The following TOPAZ1 variants were observed in gnomAD, a reference collection of about 807,000 sequenced individuals.
TOPAZ1 encodes protein TOPAZ1.
A neutral mutation model predicts 172.2 loss-of-function variants in TOPAZ1; 66 were observed. The observed-to-expected ratio is 0.38, with a 90% CI of 0.31 to 0.47. The LOEUF is 0.47. Ranked by LOEUF, TOPAZ1 falls within the 20% of genes least tolerant of loss-of-function variation. TOPAZ1 has a pLI of 0.99. For synonymous variants in TOPAZ1, 681 were observed against 683.9 expected, an observed-to-expected ratio of 1.00 and a Z score of 0.07; for missense variants, 1,822 against 1,972.4, an observed-to-expected ratio of 0.92 and a Z score of 1.44.
At chr3:44,327,886 A>C (rs778525069) in intron 18 of TOPAZ1, among the ~76,000 whole-genome samples, 1 of 152,100 alleles carries the variant, frequency 6.6e-6, no homozygotes, top group Non-Finnish European at 1.5e-5. Flanking sequence ...CTGGGACGAC[A>C]GGCACCCGCC....
At position 44,278,541 on chromosome 3, in the gene TOPAZ1, T is replaced by G. The variant is rs548796356; in HGVS notation, c.3373-3427T>G. On this transcript the variant is annotated intron_variant, in intron 8 of 19. Coordinates refer to ENST00000309765, the MANE Select transcript of TOPAZ1 (RefSeq NM_001145030.2). The stretch of plus-strand genomic sequence containing the variant: ...TACTTGTTTTTGGTCTGTTCAAGTT[T>G]TCTGTTTCTTCCTAATTCAATCTCA... Among the ~76,000 whole-genome samples, 14 of 152,318 alleles carry G rather than the reference T, an allele frequency of 9.2e-5. No homozygotes were observed. The South Asian group carries it at 2.9e-3, about 32-fold the overall frequency.
chr3:44,335,609 G>A (rs776225077), downstream of TOPAZ1, among the ~76,000 whole-genome samples: 9 of 152,124 alleles, frequency 5.9e-5, no homozygotes, highest in Admixed American at 2.6e-4. Context: ...GAACAATAGA[G>A]TGAGACTCCA....
chr3:44,270,900 G>A (rs958626219), intron 8 of TOPAZ1, 90 bp downstream of exon 8: 7 of 1,199,948 alleles, frequency 5.8e-6, no homozygotes, highest in Admixed American at 3.2e-5. Flanking sequence ...ACTCCTAATA[G>A]CATAGATGTG....
At position 44,269,206 on chromosome 3, in the gene TOPAZ1, T is replaced by C; in HGVS notation, c.3161-10T>C. ...TATTGGTGTGTAATGCCACTCTAAA[T>C]CATTTCTAGATTTCAGATTTCTGGG... On this transcript the variant is annotated splice_polypyrimidine_tract_variant and intron_variant, in intron 6 of 19. Transcript: ENST00000309765. 2 of 1,500,630 alleles carry C rather than the reference T, an allele frequency of 1.3e-6. No individual in the cohort carries two copies. Among genetic ancestry groups the C allele is most frequent in the Non-Finnish European group, 1.8e-6 (2 of 1,100,822 alleles). 93.0% of individuals were successfully genotyped at this position (1,500,630 alleles called of 1,614,324 possible). A position where few individuals can be genotyped will look rare whatever the true frequency, so the allele number is the denominator to read the frequency against.
At chr3:44,332,133 T>C, downstream of TOPAZ1, 2 of 661,620 alleles carry the variant, frequency 3.0e-6, no homozygotes, top group Non-Finnish European at 5.0e-6. Context: ...TACAGCAAGT[T>C]AATAGTTTTA....
intron 12 of TOPAZ1, among the ~76,000 whole-genome samples, chr3:44,292,050 T>A (rs1700143833): frequency 6.6e-6 from 1 of 152,192 alleles, no homozygotes; most frequent in Non-Finnish European, 1.5e-5. Context: ...TTAACAAGCT[T>A]AAACTAACCT....
chr3:44,310,891 G>A (rs904286192), intron 16 of TOPAZ1, among the ~76,000 whole-genome samples: 3 of 152,170 alleles, frequency 2.0e-5, no homozygotes, highest in African/African-American at 7.2e-5. Context: ...AAGCCAGCAG[G>A]AACAAATAAG....
chr3:44,255,672 C>T (rs113028154), intron 3 of TOPAZ1, among the ~76,000 whole-genome samples: 25,864 of 55,122 alleles, frequency 0.47, 3,895 homozygotes, highest in Middle Eastern at 0.63. Flanking sequence ...AATATATATA[C>T]ACACACACAC....
At chr3:44,247,702 G>A (rs1468125544) in intron 2 of TOPAZ1, among the ~76,000 whole-genome samples, 1 of 152,176 alleles carries the variant, frequency 6.6e-6, no homozygotes, top group Non-Finnish European at 1.5e-5. Flanking sequence ...CCAGGCTGGA[G>A]TGCAGTGGCG....
At position 44,245,016 on chromosome 3, in the gene TOPAZ1, G is replaced by A. The variant is rs1388365201; in HGVS notation, c.2510G>A (p.Arg837Lys). 1.1e-5 allele frequency: 17 copies of A among 1,551,568 alleles called. No individual in the cohort carries two copies. The highest frequency in any genetic ancestry group is 1.1e-5 in the Non-Finnish European group (13 of 1,147,000). ...TTCCGACCAGTGTCCAGTGAAGTTA[G>A]GGGTAGAAAAATAACTAAGAATTTT... ...ETFRPVSSEV[R>K]GRKITKNFSE... Residue 837 changes from arginine to lysine, a missense_variant, in exon 2 of 20, where the codon AGG becomes AAG. Around this residue, in one of 2 missense-constraint regions of TOPAZ1, gnomAD observed 1,489 missense variants for 1,490.8 expected, o/e 1.00. Coordinates refer to ENST00000309765, the MANE Select transcript of TOPAZ1 (RefSeq NM_001145030.2).
chr3:44,247,038 T>C (rs1699575007), intron 2 of TOPAZ1, among the ~76,000 whole-genome samples: 1 of 152,218 alleles, frequency 6.6e-6, no homozygotes, highest in Admixed American at 6.5e-5. Flanking sequence ...CTTTATTCTT[T>C]TTTTAAAGAA....
At position 44,256,126 on chromosome 3, in the gene TOPAZ1, A is replaced by G. The variant is rs779824959; in HGVS notation, c.2828-25A>G. 8 of 1,466,234 alleles carry G rather than the reference A, an allele frequency of 5.5e-6. No individual in the cohort carries two copies. The South Asian group carries it at 8.2e-5, about 15-fold the overall frequency. The allele number at this position is 1,466,234 out of a possible 1,614,324, so 90.8% of individuals were successfully genotyped here. Reference sequence around the variant, plus strand: ...CAGTTATTTTGTCTTTAAAGTTTCTATAGTTGAATATTATTTCTTTTCAGA... The same window carrying G: ...CAGTTATTTTGTCTTTAAAGTTTCTGTAGTTGAATATTATTTCTTTTCAGA... On this transcript the variant is annotated intron_variant, in intron 3 of 19. Coordinates refer to ENST00000309765, the MANE Select transcript of TOPAZ1 (RefSeq NM_001145030.2).
At chr3:44,300,125 TAAA>T (rs1345499250) in intron 12 of TOPAZ1, among the ~76,000 whole-genome samples, 13 of 148,314 alleles carry the variant, frequency 8.8e-5, no homozygotes, top group African/African-American at 3.3e-4. Flanking sequence ...AATAAATAAA[TAAA>T]AAATAAAAAA....
At chr3:44,329,914 A>G (rs1444763696) in intron 19 of TOPAZ1, among the ~76,000 whole-genome samples, 2 of 152,218 alleles carry the variant, frequency 1.3e-5, no homozygotes, top group African/African-American at 4.8e-5. Context: ...AACTATCTTT[A>G]TCTTTCAAGG....
downstream of TOPAZ1, among the ~76,000 whole-genome samples, chr3:44,333,497 A>G (rs891229147): frequency 6.6e-6 from 1 of 152,204 alleles, no homozygotes; most frequent in East Asian, 1.9e-4. Context: ...CTGAAACCCT[A>G]AGAAAGGAAT....
chr3:44,256,038 A>G (rs995083142), intron 3 of TOPAZ1, 113 bp from the exon 4 acceptor site: 3 of 637,492 alleles, frequency 4.7e-6, no homozygotes, highest in Non-Finnish European at 7.4e-6. Flanking sequence ...CATATTTGTC[A>G]CATTAGACCT....
At chr3:44,265,194 A>G (rs1445651216) in intron 5 of TOPAZ1, among the ~76,000 whole-genome samples, 1 of 152,248 alleles carries the variant, frequency 6.6e-6, no homozygotes, top group Non-Finnish European at 1.5e-5. Flanking sequence ...TATTTCTTAA[A>G]TAATAAGTCT....
At chr3:44,308,005 G>A (rs1045110321) in intron 15 of TOPAZ1, among the ~76,000 whole-genome samples, 1 of 152,152 alleles carries the variant, frequency 6.6e-6, no homozygotes, top group African/African-American at 2.4e-5. Context: ...CAGGAGCAGT[G>A]GCTCACACCT....
intron 2 of TOPAZ1, among the ~76,000 whole-genome samples, chr3:44,251,268 A>G (rs1312089553): frequency 6.6e-6 from 1 of 152,072 alleles, no homozygotes; most frequent in Non-Finnish European, 1.5e-5. Context: ...CTACAGGTGC[A>G]TGCCGCCACA....
Sources: gnomAD v4.1 joint callset for allele counts (sites outside exome capture counted in the v4.1 genomes callset) on GRCh38, gnomAD v4.1.1 for gene constraint, gnomAD v4.1.1 regional missense constraint, MANE v1.5 for transcripts, NCBI Gene and HGNC (gene_info 2026-07-23, HGNC 2026-07-21) for gene names.